The following BRWD3 variants were observed in gnomAD, a reference collection of about 807,000 sequenced individuals.
The protein encoded by BRWD3 is bromodomain and WD repeat domain containing 3, also known as bromodomain and WD repeat-containing protein 3.
BRWD3 carries 10 observed loss-of-function variants against 149.7 expected under a neutral mutation model. That is an observed-to-expected ratio of 0.07 (90% CI 0.04 to 0.11). The LOEUF is 0.11. Among genes scored for constraint, BRWD3 ranks in the 10% least tolerant of loss-of-function variants. BRWD3 has a pLI of 1.00. For synonymous variants in BRWD3, 504 were observed against 456.7 expected, an observed-to-expected ratio of 1.10 and a Z score of -1.32; for missense variants, 940 against 1,373.2, an observed-to-expected ratio of 0.68 and a Z score of 4.99.
chrX:80,717,483 C>T, intron 19 of BRWD3, 90 bp downstream of exon 19: 1 of 915,438 alleles, frequency 1.1e-6, no homozygotes, highest in Non-Finnish European at 1.6e-6. Flanking sequence ...TTTAAAATTC[C>T]TCATTTACTA....
At chrX:80,700,183 G>T (rs2072761099) in intron 24 of BRWD3, 119 bp from the exon 25 acceptor site, 1 of 549,736 alleles carries the variant, frequency 1.8e-6, no homozygotes, top group Non-Finnish European at 2.9e-6. Context: ...AATATTGAAA[G>T]ACTTTATACA....
chrX:80,733,434 C>A (rs2147774922), intron 12 of BRWD3, 22 bp downstream of exon 12: 2 of 1,155,498 alleles, frequency 1.7e-6, no homozygotes, highest in East Asian at 6.0e-5. Flanking sequence ...TTTGTTTACA[C>A]AAATATGTAT....
At chrX:80,689,058 C>T (rs1340259790) in intron 33 of BRWD3, among the ~76,000 whole-genome samples, 9 of 110,947 alleles carry the variant, frequency 8.1e-5, no homozygotes, top group Non-Finnish European at 1.7e-4. Flanking sequence ...TATAAACATG[C>T]AAAATATCTC....
At position 80,674,088 on chromosome X, in the gene BRWD3, ATC is replaced by A. The variant is rs745327363; in HGVS notation, c.*2519_*2520del. On this transcript the variant is annotated 3_prime_UTR_variant, in exon 41 of 41. Coordinates refer to ENST00000373275, the MANE Select transcript of BRWD3 (RefSeq NM_153252.5). ...ATAATTTGCATGCAAACAGAAAATTATCTGTTTGTTTAATAAATGATAACTAT... is the reference window on the plus strand; with the variant it reads ...ATAATTTGCATGCAAACAGAAAATTATGTTTGTTTAATAAATGATAACTAT... The A allele has an allele frequency of 8.0e-5, 9 of 111,995 alleles. No individual in the cohort carries two copies. Among genetic ancestry groups the A allele is most frequent in the African/African-American group, 1.3e-4 (4 of 30,941 alleles). 9.2% of individuals were successfully genotyped at this position (111,995 alleles called of 1,213,427 possible). A position where few individuals can be genotyped will look rare whatever the true frequency, so the allele number is the denominator to read the frequency against.
chrX:80,783,087 C>T (rs191841070), intron 6 of BRWD3, among the ~76,000 whole-genome samples: 3 of 110,308 alleles, frequency 2.7e-5, no homozygotes, highest in African/African-American at 9.9e-5. Flanking sequence ...CAGAGAAATG[C>T]AAATCAAAAC....
At chrX:80,746,792 C>A (rs1354895596) in intron 6 of BRWD3, 2 of 702,616 alleles carry the variant, frequency 2.8e-6, no homozygotes, top group Non-Finnish European at 3.4e-6. Context: ...ATGCCACAAT[C>A]AAAAATATGA....
chrX:80,748,550 C>A (rs765845432), intron 6 of BRWD3, among the ~76,000 whole-genome samples: 1 of 112,266 alleles, frequency 8.9e-6, no homozygotes, highest in Non-Finnish European at 1.9e-5. Flanking sequence ...CTTTTTATTA[C>A]CGACTCAATC....
intron 6 of BRWD3, among the ~76,000 whole-genome samples, chrX:80,752,957 G>T (rs1212816402): frequency 8.9e-6 from 1 of 111,741 alleles, no homozygotes; most frequent in Non-Finnish European, 1.9e-5. Context: ...GAACCACCAC[G>T]CCTGGCCGAT....
intron 6 of BRWD3, 150 bp downstream of exon 6, chrX:80,791,703 TA>T (rs2074183931): frequency 4.6e-6 from 2 of 431,842 alleles, no homozygotes; most frequent in Non-Finnish European, 8.2e-6. Flanking sequence ...AAAAATGTTT[TA>T]AAAATCTGGA....
At chrX:80,726,151 T>C (rs1420567387) in intron 14 of BRWD3, among the ~76,000 whole-genome samples, 1 of 108,781 alleles carries the variant, frequency 9.2e-6, no homozygotes, top group Non-Finnish European at 1.9e-5. Flanking sequence ...CTGTATAACA[T>C]ATAACACGTT....
At position 80,724,918 on chromosome X, in the gene BRWD3, G is replaced by A. The variant is rs1322550192; in HGVS notation, c.1521+15C>T. 1 of 1,209,116 alleles carries A rather than the reference G, an allele frequency of 8.3e-7. No homozygotes were observed. The highest frequency in any genetic ancestry group is 3.0e-5 in the East Asian group (1 of 33,751). On this transcript the variant is annotated intron_variant, in intron 15 of 40. Coordinates refer to ENST00000373275, the MANE Select transcript of BRWD3 (RefSeq NM_153252.5). ...TGGTTTTAATGTGAACTAGATACAG[G>A]TAGGTGTCTCTTACCATGTTAAAGT...
intron 6 of BRWD3, among the ~76,000 whole-genome samples, chrX:80,763,617 A>G (rs2073826011): frequency 8.9e-6 from 1 of 112,414 alleles, no homozygotes; most frequent in African/African-American, 3.2e-5. Flanking sequence ...CCAAAATTAA[A>G]AACAAAATCT....
rs369334946 is a variant in BRWD3 at position 80,673,231 on chromosome X, A to C, written c.*3378T>G. 4.5e-5 allele frequency: 5 copies of C among 111,531 alleles called. No individual in the cohort carries two copies. The highest frequency in any genetic ancestry group is 1.6e-4 in the African/African-American group (5 of 30,692). 9.2% of individuals were successfully genotyped at this position (111,531 alleles called of 1,213,427 possible). Reference sequence around the variant, plus strand: ...TTGTTACTTTGCATCTGCGGGAAACAAAGTATTATAGAGAAGAATTCCAAC... The same window carrying C: ...TTGTTACTTTGCATCTGCGGGAAACCAAGTATTATAGAGAAGAATTCCAAC... On this transcript the variant is annotated 3_prime_UTR_variant, in exon 41 of 41. Coordinates refer to ENST00000373275, the MANE Select transcript of BRWD3 (RefSeq NM_153252.5).
intron 20 of BRWD3, among the ~76,000 whole-genome samples, chrX:80,715,617 T>G (rs1487663230): frequency 8.9e-6 from 1 of 112,210 alleles, no homozygotes; most frequent in Non-Finnish European, 1.9e-5. Flanking sequence ...ATCAGCAAAC[T>G]TTTTCTGCAA....
chrX:80,734,824 A>T (rs2073381156), intron 10 of BRWD3, among the ~76,000 whole-genome samples: 2 of 111,173 alleles, frequency 1.8e-5, no homozygotes, highest in Admixed American at 1.9e-4. Flanking sequence ...TCTGGGCAGA[A>T]TTTTTGTGTT....
intron 24 of BRWD3, among the ~76,000 whole-genome samples, chrX:80,701,377 G>A (rs1377125209): frequency 2.8e-5 from 3 of 106,946 alleles, no homozygotes; most frequent in African/African-American, 1.0e-4. Flanking sequence ...GTGAAACCCC[G>A]TCTCTACTAA....
rs2072354537 is a variant in BRWD3, at chrX:80,675,378, T to C, written c.*1231A>G. The C allele has an allele frequency of 9.0e-6, 1 of 111,620 alleles. No individual in the cohort carries two copies. Among genetic ancestry groups the C allele is most frequent in the Admixed American group, 9.6e-5 (1 of 10,441 alleles). 9.2% of individuals were successfully genotyped at this position (111,620 alleles called of 1,213,427 possible). A position where few individuals can be genotyped will look rare whatever the true frequency, so the allele number is the denominator to read the frequency against. On this transcript the variant is annotated 3_prime_UTR_variant, in exon 41 of 41. Coordinates refer to ENST00000373275, the MANE Select transcript of BRWD3 (RefSeq NM_153252.5). The stretch of plus-strand genomic sequence containing the variant: ...AAATCAAACCAGGTGCTTTGTTAAA[T>C]TTTAAGATTCAAATGAAAACCAGCA...
intron 6 of BRWD3, among the ~76,000 whole-genome samples, chrX:80,779,582 G>T (rs2074037013): frequency 9.0e-6 from 1 of 111,366 alleles, no homozygotes; most frequent in Non-Finnish European, 1.9e-5. Flanking sequence ...AGGCATGGCA[G>T]TACATGCCTG....
chrX:80,691,819 A>G lies in BRWD3; in HGVS notation c.3481+4T>C. On this transcript the variant is annotated splice_donor_region_variant and intron_variant, in intron 30 of 40. Coordinates refer to ENST00000373275, the MANE Select transcript of BRWD3 (RefSeq NM_153252.5). ...CTCCTAAAATTTTTTCACATTCATC[A>G]TACCCAGGGAAAGAAGGTGGTTGAT... 2 of 1,210,260 alleles carry G rather than the reference A, an allele frequency of 1.7e-6. No homozygotes were observed. Among genetic ancestry groups the G allele is most frequent in the Non-Finnish European group, 2.2e-6 (2 of 895,129 alleles).
Sources: allele counts gnomAD v4.1 joint callset (sites outside exome capture counted in the v4.1 genomes callset), GRCh38; gene constraint gnomAD v4.1.1; transcripts MANE v1.5; gene names NCBI Gene and HGNC (gene_info 2026-07-23, HGNC 2026-07-21).